Variants in C12orf54 observed in about 807,000 individuals in gnomAD.
The protein encoded by C12orf54 is uncharacterized protein C12orf54.
In C12orf54, 24 loss-of-function variants were observed where a neutral mutation model predicts 26.4. The ratio of observed to expected loss-of-function variants is 0.91; its 90% confidence interval spans 0.66 to 1.28. C12orf54 has a LOEUF of 1.28. C12orf54 is among the 50% of genes most tolerant of loss of function. C12orf54 has a pLI of 0.00. For synonymous variants in C12orf54, 54 were observed against 47.0 expected, an observed-to-expected ratio of 1.15 and a Z score of -0.61; for missense variants, 154 against 150.9, an observed-to-expected ratio of 1.02 and a Z score of -0.11.
At chr12:48,433,452 T>C in the C12orf54 span, among the ~76,000 whole-genome samples, 1 of 44,764 alleles carries the variant, frequency 2.2e-5, no homozygotes. Context: ...ACAAGCTTTT[T>C]TTTGGGGGGG....
the C12orf54 span, among the ~76,000 whole-genome samples, chr12:48,426,582 G>C: frequency 1.3e-5 from 2 of 151,834 alleles, no homozygotes. Context: ...TTTTGGTTCC[G>C]TATGAATTTT....
the C12orf54 span, among the ~76,000 whole-genome samples, chr12:48,447,251 T>TGTGTGTC: frequency 1.1e-4 from 16 of 151,312 alleles, no homozygotes; most frequent in African/African-American, 3.4e-4. Context: ...TGTGTGTGTG[T>TGTGTGTC]CCCCACCCCA....
chr12:48,481,355 T>C (rs1213052920), upstream of C12orf54, among the ~76,000 whole-genome samples: 1 of 152,094 alleles, frequency 6.6e-6, no homozygotes, highest in African/African-American at 2.4e-5. Flanking sequence ...AGACTCCTTA[T>C]GGAAACTGAG....
the C12orf54 span, among the ~76,000 whole-genome samples, chr12:48,464,702 G>T: frequency 9.2e-5 from 14 of 152,192 alleles, no homozygotes; most frequent in South Asian, 2.9e-3. Context: ...AAGCAGCTTG[G>T]TACTGGTACA....
chr12:48,476,863 G>C, the C12orf54 span, among the ~76,000 whole-genome samples: 9 of 152,092 alleles, frequency 5.9e-5, no homozygotes, highest in African/African-American at 1.2e-4. Context: ...CAAGGATATC[G>C]AGGAATTGAA....
At chr12:48,479,202 G>A (rs896284736), upstream of C12orf54, among the ~76,000 whole-genome samples, 12 of 152,174 alleles carry the variant, frequency 7.9e-5, no homozygotes, top group Admixed American at 7.2e-4. Flanking sequence ...ATGAGTTCAT[G>A]TCCTTTGTAG....
At chr12:48,439,861 A>C in the C12orf54 span, among the ~76,000 whole-genome samples, 2 of 152,166 alleles carry the variant, frequency 1.3e-5, no homozygotes, top group Non-Finnish European at 2.9e-5. Context: ...ATGAACCTGC[A>C]CGATGTGCAC....
chr12:48,466,992 C>T, the C12orf54 span, among the ~76,000 whole-genome samples: 14 of 152,064 alleles, frequency 9.2e-5, no homozygotes, highest in Admixed American at 2.6e-4. Context: ...GTGATGTGAA[C>T]GGTACCCCTC....
the C12orf54 span, among the ~76,000 whole-genome samples, chr12:48,436,648 A>C: frequency 3.9e-5 from 6 of 152,216 alleles, no homozygotes; most frequent in Non-Finnish European, 7.3e-5. Flanking sequence ...CCTGCTCCTG[A>C]ATGACTATGG....
intron 5 of C12orf54, among the ~76,000 whole-genome samples, chr12:48,489,459 CT>C (rs758417549): frequency 6.6e-6 from 1 of 152,134 alleles, no homozygotes; most frequent in Non-Finnish European, 1.5e-5. Flanking sequence ...CAGGGTCTCA[CT>C]CTGTGCCCAG....
At chr12:48,453,538 T>C in the C12orf54 span, among the ~76,000 whole-genome samples, 1 of 132,672 alleles carries the variant, frequency 7.5e-6, no homozygotes, top group Non-Finnish European at 1.6e-5. Flanking sequence ...TATATACACA[T>C]ACATATATAT....
chr12:48,483,831 A>C (rs1364446216), intron 2 of C12orf54, among the ~76,000 whole-genome samples: 1 of 152,200 alleles, frequency 6.6e-6, no homozygotes, highest in East Asian at 1.9e-4. Flanking sequence ...GGGTCAGGAA[A>C]GCTTCATAAG....
chr12:48,423,680 A>T, the C12orf54 span, among the ~76,000 whole-genome samples: 1 of 152,082 alleles, frequency 6.6e-6, no homozygotes, highest in African/African-American at 2.4e-5. Context: ...TAGTATATAG[A>T]AATACAATTG....
At chr12:48,488,471 A>C in intron 4 of C12orf54, 1 of 373,118 alleles carries the variant, frequency 2.7e-6, no homozygotes, top group Non-Finnish European at 5.0e-6. Flanking sequence ...GCATTGAATA[A>C]ACTTACAGCC....
At chr12:48,430,366 C>A in the C12orf54 span, among the ~76,000 whole-genome samples, 1 of 152,250 alleles carries the variant, frequency 6.6e-6, no homozygotes, top group East Asian at 1.9e-4. Flanking sequence ...AGTAAACAGA[C>A]AACCCACAGA....
the C12orf54 span, among the ~76,000 whole-genome samples, chr12:48,423,582 A>G: frequency 3.8e-4 from 58 of 152,218 alleles, 2 homozygotes; most frequent in East Asian, 0.011. Flanking sequence ...CCCAAATTAA[A>G]GAAGAATAAA....
At chr12:48,425,088 C>A in the C12orf54 span, among the ~76,000 whole-genome samples, 1 of 151,890 alleles carries the variant, frequency 6.6e-6, no homozygotes, top group Non-Finnish European at 1.5e-5. Context: ...ATTTTTTAAA[C>A]TTTTATTTTA....
chr12:48,477,817 T>A (rs1286648522), upstream of C12orf54, among the ~76,000 whole-genome samples: 2 of 151,910 alleles, frequency 1.3e-5, no homozygotes, highest in Non-Finnish European at 2.9e-5. Context: ...CTACCAGAGG[T>A]ACAAAGGGGA....
At chr12:48,436,188 C>G in the C12orf54 span, among the ~76,000 whole-genome samples, 1 of 152,302 alleles carries the variant, frequency 6.6e-6, no homozygotes, top group Non-Finnish European at 1.5e-5. Context: ...GTAAAGGGAT[C>G]AATTCAACAA....
Sources: allele counts gnomAD v4.1 joint callset (sites outside exome capture counted in the v4.1 genomes callset), GRCh38; gene constraint gnomAD v4.1.1; transcripts MANE v1.5; gene names NCBI Gene and HGNC (gene_info 2026-07-23, HGNC 2026-07-21).